MAP2: variants seen among roughly 807,000 people sequenced by gnomAD.
The protein encoded by MAP2 is microtubule-associated protein 2.
In MAP2, 14 loss-of-function variants were observed where a neutral mutation model predicts 137.6. That is an observed-to-expected ratio of 0.10 (90% CI 0.07 to 0.16). MAP2 has a LOEUF of 0.16. Ranked by LOEUF, MAP2 falls within the 10% of genes least tolerant of loss-of-function variation. The probability of loss-of-function intolerance (pLI) is 1.00; values close to 1 mark genes in which losing one functional copy is unlikely to be tolerated. For missense variants in MAP2, 2,088 were observed against 2,191.5 expected, an observed-to-expected ratio of 0.95 and a Z score of 0.94; for synonymous variants, 786 against 782.3, an observed-to-expected ratio of 1.00 and a Z score of -0.08.
At chr2:209,503,145 G>A (rs1031632419) in intron 1 of MAP2, among the ~76,000 whole-genome samples, 4 of 151,684 alleles carry the variant, frequency 2.6e-5, no homozygotes, top group African/African-American at 9.7e-5. Context: ...GACAACAGGT[G>A]CACATCACAA....
Position 209,695,178 on chromosome 2 carries a change from A to T in MAP2, c.3008A>T (p.Asp1003Val), listed in dbSNP as rs146804096. Reference sequence around the variant, plus strand: ...ACCTATGAGCAAGCTTTGGCCAAAGATTTGTCAATACCAACAGATGCATCC... The same window carrying T: ...ACCTATGAGCAAGCTTTGGCCAAAGTTTTGTCAATACCAACAGATGCATCC... ...GVTYEQALAK[D>V]LSIPTDASSE... Residue 1003 changes from aspartate (D) to valine (V), a missense_variant, in exon 8 of 16, where the codon GAT becomes GTT. By Grantham distance (152) the Asp-to-Val change is radical. Coordinates refer to ENST00000682079, the MANE Select transcript of MAP2 (RefSeq NM_001375505.1). 3.5e-5 allele frequency: 56 copies of T among 1,614,058 alleles called. No homozygotes were observed. In the African/African-American group the frequency reaches 6.5e-4, roughly 19 times the overall value.
chr2:209,460,102 A>G (rs1702410402), intron 1 of MAP2, among the ~76,000 whole-genome samples: 1 of 152,264 alleles, frequency 6.6e-6, no homozygotes, highest in Non-Finnish European at 1.5e-5. Flanking sequence ...TTTAGAAATT[A>G]TAATTCAGTT....
chr2:209,626,021 C>A (rs2092256824), intron 4 of MAP2, among the ~76,000 whole-genome samples: 1 of 151,982 alleles, frequency 6.6e-6, no homozygotes, highest in Non-Finnish European at 1.5e-5. Context: ...ATTAGAAGTA[C>A]TGAATATATA....
intron 5 of MAP2, among the ~76,000 whole-genome samples, chr2:209,666,428 GATAACAGTAGAGGA>G (rs368783076): frequency 1.1e-4 from 16 of 151,804 alleles, no homozygotes; most frequent in African/African-American, 3.6e-4. Flanking sequence ...AACAGTAGAG[GATAACAGTAGAGGA>G]ATAACAGTAG....
At chr2:209,538,620 A>G (rs557753723) in intron 2 of MAP2, among the ~76,000 whole-genome samples, 13 of 151,562 alleles carry the variant, frequency 8.6e-5, no homozygotes, top group African/African-American at 2.9e-4. Context: ...TGTGGTACAC[A>G]TTGGAAAAGA....
intron 2 of MAP2, among the ~76,000 whole-genome samples, chr2:209,569,121 G>T (rs2073978234): frequency 6.6e-6 from 1 of 151,534 alleles, no homozygotes; most frequent in African/African-American, 2.4e-5. Context: ...AAGGAAGAGG[G>T]GTTACTCAAA....
chr2:209,606,944 C>G (rs559188068), intron 3 of MAP2, among the ~76,000 whole-genome samples: 1 of 151,934 alleles, frequency 6.6e-6, no homozygotes, highest in African/African-American at 2.4e-5. Context: ...CTGTTGTGTT[C>G]CTGTTAATCT....
chr2:209,583,197 T>TC (rs1286665700), intron 3 of MAP2, among the ~76,000 whole-genome samples: 7 of 130,870 alleles, frequency 5.3e-5, no homozygotes, highest in Admixed American at 1.5e-4. Flanking sequence ...GTCTATCCTA[T>TC]CTATCTATTT....
rs538050055 is a variant in MAP2 at position 209,658,519 on chromosome 2, T to A, written c.262+5087T>A. ...AAAAATTATTATTATTACTATTTTT[T>A]TTTTGAGATGAAGTCTCGCTCTTGT... On this transcript the variant is annotated intron_variant, in intron 5 of 15. Coordinates refer to ENST00000682079, the MANE Select transcript of MAP2 (RefSeq NM_001375505.1). Among the ~76,000 whole-genome samples the A allele has an allele frequency of 2.0e-5, 3 of 152,196 alleles. No homozygotes were observed. In the South Asian group the frequency reaches 6.2e-4, roughly 32 times the overall value.
intron 1 of MAP2, among the ~76,000 whole-genome samples, chr2:209,433,396 A>C (rs75927691): frequency 0.024 from 3,684 of 152,152 alleles, 57 homozygotes; most frequent in Non-Finnish European, 0.034. Context: ...TATTTGGAAA[A>C]CAGAAAGACC....
intron 1 of MAP2, among the ~76,000 whole-genome samples, chr2:209,506,474 T>C (rs1055317753): frequency 4.6e-5 from 7 of 152,192 alleles, no homozygotes. Context: ...CTCACAAACA[T>C]ACTTCTAGAA....
chr2:209,646,364 G>C (rs1278685876), intron 4 of MAP2, among the ~76,000 whole-genome samples: 1 of 152,116 alleles, frequency 6.6e-6, no homozygotes, highest in Non-Finnish European at 1.5e-5. Flanking sequence ...GGCAGACTTT[G>C]GCTGCCTATG....
At chr2:209,623,973 G>A (rs983004617) in intron 3 of MAP2, among the ~76,000 whole-genome samples, 10 of 152,124 alleles carry the variant, frequency 6.6e-5, no homozygotes, top group African/African-American at 2.2e-4. Flanking sequence ...CAGATTAAAT[G>A]AGCTAACACA....
At chr2:209,436,711 CCT>C (rs1696401010) in intron 1 of MAP2, among the ~76,000 whole-genome samples, 1 of 151,676 alleles carries the variant, frequency 6.6e-6, no homozygotes, top group Admixed American at 6.6e-5. Context: ...GAGACTCTTT[CCT>C]AAGCCACTAG....
At chr2:209,442,836 A>T (rs1698144616) in intron 1 of MAP2, among the ~76,000 whole-genome samples, 1 of 151,632 alleles carries the variant, frequency 6.6e-6, no homozygotes, top group Non-Finnish European at 1.5e-5. Context: ...CAAGTCAGAA[A>T]TGAAAAAGTC....
chr2:209,603,516 G>A (rs2083636442), intron 3 of MAP2, among the ~76,000 whole-genome samples: 1 of 152,120 alleles, frequency 6.6e-6, no homozygotes, highest in Non-Finnish European at 1.5e-5. Flanking sequence ...GAGGAAAGCA[G>A]GCACGGAGTA....
chr2:209,701,933 T>C (rs1271878100), intron 11 of MAP2, among the ~76,000 whole-genome samples: 1 of 152,074 alleles, frequency 6.6e-6, no homozygotes, highest in Non-Finnish European at 1.5e-5. Context: ...TATTTCTTAA[T>C]TTTCTAAAAA....
intron 1 of MAP2, among the ~76,000 whole-genome samples, chr2:209,457,207 C>T (rs780847337): frequency 4.3e-4 from 65 of 152,056 alleles, no homozygotes; most frequent in Non-Finnish European, 7.5e-4. Context: ...TCGTGAAGGG[C>T]GTGAATGGCT....
chr2:209,608,246 TATATAAGAGG>T (rs537964564), intron 3 of MAP2, among the ~76,000 whole-genome samples: 14 of 151,986 alleles, frequency 9.2e-5, no homozygotes, highest in Non-Finnish European at 1.5e-5. Flanking sequence ...ACTGTACACA[TATATAAGAGG>T]ATATTATTAG....
Sources: allele counts gnomAD v4.1 joint callset (sites outside exome capture counted in the v4.1 genomes callset), GRCh38; gene constraint gnomAD v4.1.1; transcripts MANE v1.5; gene names NCBI Gene and HGNC (gene_info 2026-07-23, HGNC 2026-07-21).